ZNF280D: variants seen among roughly 807,000 people sequenced by gnomAD.
ZNF280D encodes zinc finger protein 280D.
A neutral mutation model predicts 94.7 loss-of-function variants in ZNF280D; 39 were observed. That is an observed-to-expected ratio of 0.41 (90% CI 0.32 to 0.54). The LOEUF is 0.54. ZNF280D is among the 20% of genes least tolerant of loss of function. ZNF280D has a pLI of 0.22. For missense variants in ZNF280D, 1,090 were observed against 1,149.3 expected, an observed-to-expected ratio of 0.95 and a Z score of 0.75; for synonymous variants, 398 against 377.6, an observed-to-expected ratio of 1.05 and a Z score of -0.63.
chr15:56,706,900 A>G (rs1309813320), intron 3 of ZNF280D, among the ~76,000 whole-genome samples, 182 bp downstream of exon 3: 1 of 152,160 alleles, frequency 6.6e-6, no homozygotes, highest in Non-Finnish European at 1.5e-5. Flanking sequence ...AATGGGGGAA[A>G]ACACTTCTAT....
At chr15:56,677,451 TA>T (rs1406572660) in intron 12 of ZNF280D, 122 bp downstream of exon 12, 2 of 635,002 alleles carry the variant, frequency 3.1e-6, no homozygotes, top group Non-Finnish European at 5.7e-6. Context: ...ATCCCTCATA[TA>T]ATGCATAAGT....
intron 1 of ZNF280D, among the ~76,000 whole-genome samples, chr15:56,717,244 G>A (rs746549400): frequency 6.6e-6 from 1 of 152,158 alleles, no homozygotes; most frequent in Non-Finnish European, 1.5e-5. Flanking sequence ...AGGGTAAATA[G>A]ATGCTGGGTG....
At chr15:56,712,194 A>T (rs1311003695) in intron 1 of ZNF280D, among the ~76,000 whole-genome samples, 3 of 152,218 alleles carry the variant, frequency 2.0e-5, no homozygotes, top group Non-Finnish European at 4.4e-5. Context: ...ACTAATTAAA[A>T]TATACACCAA....
chr15:56,732,034 C>T (rs2058918397), intron 1 of ZNF280D, among the ~76,000 whole-genome samples: 1 of 152,126 alleles, frequency 6.6e-6, no homozygotes, highest in South Asian at 2.1e-4. Context: ...AACGAAAGGG[C>T]AACTGAGTAA....
intron 14 of ZNF280D, among the ~76,000 whole-genome samples, chr15:56,667,443 A>G (rs190880921): frequency 2.8e-4 from 42 of 152,330 alleles, no homozygotes; most frequent in African/African-American, 1.0e-3. Context: ...CCAGGGGCTC[A>G]GTGCCCAAGA....
chr15:56,719,681 C>T (rs2058241496), intron 1 of ZNF280D, among the ~76,000 whole-genome samples: 1 of 152,032 alleles, frequency 6.6e-6, no homozygotes, highest in African/African-American at 2.4e-5. Flanking sequence ...ACCTCAAATT[C>T]AGTACATGCA....
chr15:56,689,684 AT>A (rs749059360), intron 7 of ZNF280D, among the ~76,000 whole-genome samples: 4 of 152,118 alleles, frequency 2.6e-5, no homozygotes, highest in African/African-American at 7.2e-5. Context: ...AATTAAAAAA[AT>A]AATCCCTCTA....
rs760978735 is a variant in ZNF280D, at chr15:56,733,506, A to AGAG, written c.-137_-135dup. On this transcript the variant is annotated 5_prime_UTR_variant, in exon 1 of 22. Coordinates refer to ENST00000267807, the MANE Select transcript of ZNF280D (RefSeq NM_017661.4). ...ACTGGAGCCCTGAGGAGGAGGAGAA[A>AGAG]GAGGAGGAGGAAAAGGAGGAGCACG... The AGAG allele has an allele frequency of 5.4e-5, 62 of 1,147,018 alleles. No homozygotes were observed. In the Admixed American group the frequency reaches 8.6e-4, roughly 16 times the overall value. The allele number at this position is 1,147,018 out of a possible 1,614,324, so 71.1% of individuals were successfully genotyped here.
intron 13 of ZNF280D, among the ~76,000 whole-genome samples, chr15:56,670,399 T>C (rs964517002): frequency 4.6e-5 from 7 of 151,834 alleles, no homozygotes; most frequent in Non-Finnish European, 1.0e-4. Flanking sequence ...CTATGTGTCT[T>C]GTGTTCTCAT....
intron 13 of ZNF280D, among the ~76,000 whole-genome samples, chr15:56,675,879 T>C (rs1332462025): frequency 6.6e-6 from 1 of 152,062 alleles, no homozygotes; most frequent in African/African-American, 2.4e-5. Flanking sequence ...GGTAAATCCA[T>C]TGGTTTCTAA....
intron 16 of ZNF280D, among the ~76,000 whole-genome samples, chr15:56,663,152 G>A (rs2054062410): frequency 6.6e-6 from 1 of 151,344 alleles, no homozygotes. Flanking sequence ...GCATGGTAGT[G>A]CATGCCTGTA....
At chr15:56,680,306 C>G (rs747618965) in intron 10 of ZNF280D, among the ~76,000 whole-genome samples, 4 of 152,118 alleles carry the variant, frequency 2.6e-5, no homozygotes, top group Non-Finnish European at 5.9e-5. Flanking sequence ...CATTTAACTT[C>G]TTTGTTCACG....
chr15:56,635,244 C>A lies in ZNF280D; in HGVS notation c.2266G>T (p.Ala756Ser). The A allele has an allele frequency of 6.6e-7, 1 of 1,521,410 alleles. No homozygotes were observed. Among genetic ancestry groups the A allele is most frequent in the Non-Finnish European group, 8.8e-7 (1 of 1,134,720 alleles). The allele number at this position is 1,521,410 out of a possible 1,614,324, so 94.2% of individuals were successfully genotyped here. A position where few individuals can be genotyped will look rare whatever the true frequency, so the allele number is the denominator to read the frequency against. ...KEQEPVSKEIARPNMAERETE... is the reference protein window; with the variant it reads ...KEQEPVSKEISRPNMAERETE... ...TCTCTTTCAGCCATGTTAGGTCTTG[C>A]AATTTCCTGAAATAATTAATAATAC... Residue 756 changes from alanine to serine, a missense_variant, in exon 21 of 22, where the codon GCA becomes TCA. This residue lies in a region of ZNF280D where 577 missense variants were observed against 568.8 expected (regional missense o/e 1.01). Coordinates refer to ENST00000267807, the MANE Select transcript of ZNF280D (RefSeq NM_017661.4).
chr15:56,673,387 G>A (rs1267082144), intron 13 of ZNF280D, among the ~76,000 whole-genome samples: 4 of 151,858 alleles, frequency 2.6e-5, no homozygotes, highest in Non-Finnish European at 5.9e-5. Context: ...TACATCTACT[G>A]TCAAACACAT....
intron 1 of ZNF280D, among the ~76,000 whole-genome samples, chr15:56,716,668 G>C (rs28449895): frequency 6.6e-6 from 1 of 152,116 alleles, no homozygotes; most frequent in African/African-American, 2.4e-5. Context: ...ACTGATGTCA[G>C]ATTTGTGACA....
At chr15:56,682,124 G>A (rs530560786) in intron 10 of ZNF280D, 130 bp downstream of exon 10, 85 of 613,898 alleles carry the variant, frequency 1.4e-4, no homozygotes, top group Non-Finnish European at 2.0e-4. Context: ...AAGAGAATCC[G>A]CCTTTATTCT....
At chr15:56,718,109 A>G (rs1156723099) in intron 1 of ZNF280D, among the ~76,000 whole-genome samples, 1 of 151,992 alleles carries the variant, frequency 6.6e-6, no homozygotes, top group African/African-American at 2.4e-5. Flanking sequence ...ATTTTTCATT[A>G]TTTCAGTAAA....
rs1491223880 is a variant in ZNF280D, at chr15:56,669,949, T to TAA, written c.1411-993_1411-992insTT. ...ATTATATATATATTATATATATATA[T>TAA]TATATATATATATTATATATATATA... On this transcript the variant is annotated intron_variant, in intron 13 of 21. Coordinates refer to ENST00000267807, the MANE Select transcript of ZNF280D (RefSeq NM_017661.4). Among the ~76,000 whole-genome samples, 2 of 1,426 alleles carry TAA rather than the reference T, an allele frequency of 1.4e-3. 1 individual carries two copies. The highest frequency in any genetic ancestry group is 2.8e-3 in the Non-Finnish European group (2 of 722). 0.9% of individuals were successfully genotyped at this position (1,426 alleles called of 152,430 possible). A position where few individuals can be genotyped will look rare whatever the true frequency, so the allele number is the denominator to read the frequency against.
chr15:56,690,818 C>T (rs2056382627), intron 7 of ZNF280D, among the ~76,000 whole-genome samples: 1 of 152,060 alleles, frequency 6.6e-6, no homozygotes, highest in African/African-American at 2.4e-5. Context: ...GGTACGGTAA[C>T]TATATTAGAA....
Sources: gnomAD v4.1 joint callset for allele counts (sites outside exome capture counted in the v4.1 genomes callset) on GRCh38, gnomAD v4.1.1 for gene constraint, gnomAD v4.1.1 regional missense constraint, MANE v1.5 for transcripts, NCBI Gene and HGNC (gene_info 2026-07-23, HGNC 2026-07-21) for gene names.